USP1: variants seen among roughly 807,000 people sequenced by gnomAD.
USP1 encodes ubiquitin specific peptidase 1, also known as ubiquitin carboxyl-terminal hydrolase 1.
Under a neutral mutation model 72.2 loss-of-function variants are expected in USP1, and 18 were observed. The observed-to-expected ratio is 0.25, with a 90% CI of 0.17 to 0.37. The LOEUF (loss-of-function observed/expected upper bound fraction) is 0.37. Among genes scored for constraint, USP1 ranks in the 10% least tolerant of loss-of-function variants. USP1 has a pLI of 1.00. For missense variants in USP1, 759 were observed against 884.9 expected (o/e 0.86, Z 1.81); for synonymous variants, 354 against 303.7 (o/e 1.17, Z -1.72).
Position 62,451,116 on chromosome 1 carries a change from T to C in USP1, c.*135T>C. ...TGGTCTCTCTAGGTTTTTATATAAATAGTGAAATTTGAATTACTGAAAACC... is the reference window on the plus strand; with the variant it reads ...TGGTCTCTCTAGGTTTTTATATAAACAGTGAAATTTGAATTACTGAAAACC... On this transcript the variant is annotated 3_prime_UTR_variant, in exon 9 of 9. Coordinates refer to ENST00000339950, the MANE Select transcript of USP1 (RefSeq NM_003368.5). 1 of 922,352 alleles carries C rather than the reference T, an allele frequency of 1.1e-6. No individual in the cohort carries two copies. The highest frequency in any genetic ancestry group is 1.5e-6 in the Non-Finnish European group (1 of 667,566). The allele number at this position is 922,352 out of a possible 1,614,324, so 57.1% of individuals were successfully genotyped here.
chr1:62,440,052 TTTCTG>T lies in USP1; in HGVS notation c.170+17_170+21del. ...GCATCTGAAATGTATGTATCTTACA[TTTCTG>T]TACTTTAAAAATTCTACAGTAAAGC... On this transcript the variant is annotated intron_variant, in intron 2 of 8. Coordinates refer to ENST00000339950, the MANE Select transcript of USP1 (RefSeq NM_003368.5). 1.4e-6 allele frequency: 2 copies of T among 1,420,504 alleles called. No homozygotes were observed. The highest frequency in any genetic ancestry group is 1.8e-6 in the Non-Finnish European group (2 of 1,082,338). The allele number at this position is 1,420,504 out of a possible 1,614,324, so 88.0% of individuals were successfully genotyped here. A position where few individuals can be genotyped will look rare whatever the true frequency, so the allele number is the denominator to read the frequency against.
rs377527620 is a variant in USP1, at chr1:62,441,492, C to G, written c.175C>G (p.Gln59Glu). ...TCTCCCTTCTATATTTCATAGTGAT[C>G]AAGTTGTTCCTGCAGCACAGTCTTC... ...ASEYRASEID[Q>E]VVPAAQSSPI... The change falls in exon 3 of 9, where the codon CAA (glutamine) becomes GAA (glutamate). Residue 59 changes from glutamine (Q) to glutamate (E), a missense_variant. Physicochemically the swap from Gln to Glu is conservative, Grantham distance 29. Transcript: ENST00000339950. 1.9e-6 allele frequency: 3 copies of G among 1,603,134 alleles called. No individual in the cohort carries two copies. Among genetic ancestry groups the G allele is most frequent in the Non-Finnish European group, 2.5e-6 (3 of 1,176,768 alleles).
chr1:62,443,830 G>A (rs1453854408), intron 5 of USP1, among the ~76,000 whole-genome samples: 1 of 151,926 alleles, frequency 6.6e-6, no homozygotes, highest in Non-Finnish European at 1.5e-5. Flanking sequence ...ATTGCTTTTT[G>A]GTATTTTCTT....
rs181520907 is a variant in USP1, at chr1:62,443,011, A to T, written c.397-148A>T. 98 of 857,102 alleles carry T rather than the reference A, an allele frequency of 1.1e-4. No homozygotes were observed. In the East Asian group the frequency reaches 2.1e-3, roughly 18 times the overall value. The allele number at this position is 857,102 out of a possible 1,614,324, so 53.1% of individuals were successfully genotyped here. A position where few individuals can be genotyped will look rare whatever the true frequency, so the allele number is the denominator to read the frequency against. Reference sequence around the variant, plus strand: ...AGACCCTGTCTCAAAATAAAAAAATAAAAAATAAGGCTTATTTGTACATCC... The same window carrying T: ...AGACCCTGTCTCAAAATAAAAAAATTAAAAATAAGGCTTATTTGTACATCC... On this transcript the variant is annotated intron_variant, in intron 4 of 8. Coordinates refer to ENST00000339950, the MANE Select transcript of USP1 (RefSeq NM_003368.5).
chr1:62,442,268 C>A lies in USP1; in HGVS notation c.365C>A (p.Ala122Asp). ...LFNIISRKKE[A>D]LKDEANQKDK... ...AATATTATTTCAAGGAAGAAAGAAG[C>A]TCTAAAGGATGAAGCCAATCAAAAA... Residue 122 changes from alanine to aspartate, a missense_variant, in exon 4 of 9, where the codon GCT becomes GAT. Transcript: ENST00000339950. The A allele has an allele frequency of 6.2e-7, 1 of 1,603,616 alleles. No homozygotes were observed. Among genetic ancestry groups the A allele is most frequent in the Non-Finnish European group, 8.5e-7 (1 of 1,173,848 alleles).
chr1:62,448,368 C>G (rs79079587), intron 7 of USP1, 97 bp from the exon 8 acceptor site: 2 of 1,188,586 alleles, frequency 1.7e-6, no homozygotes, highest in Admixed American at 2.5e-5. Context: ...ATGGGTCGGT[C>G]AATTGAAATT....
Position 62,445,191 on chromosome 1 carries a change from T to G in USP1, c.1011T>G (p.Val337=). 1 of 1,611,668 alleles carries G rather than the reference T, an allele frequency of 6.2e-7. No homozygotes were observed. Among genetic ancestry groups the G allele is most frequent in the Non-Finnish European group, 8.5e-7 (1 of 1,179,468 alleles). ...GACCCTCACAAAAGAAATCAAGAGT[T>G]AAAATAAATTGGTTAAAGTCTGCAA... is the stretch of plus-strand genomic sequence containing the variant. The part of the protein sequence containing the change: ...SPRPSQKKSR[V]KINWLKSATK... Residue 337 remains valine, a synonymous_variant, in exon 6 of 9, where the codon GTT becomes GTG. Coordinates refer to ENST00000339950, the MANE Select transcript of USP1 (RefSeq NM_003368.5).
chr1:62,441,969 C>G (rs1645137527), intron 3 of USP1, among the ~76,000 whole-genome samples: 1 of 152,096 alleles, frequency 6.6e-6, no homozygotes, highest in Non-Finnish European at 1.5e-5. Flanking sequence ...TCCTTGTAAC[C>G]TTAAAGTCTT....
chr1:62,447,164 C>T (rs985865146), intron 6 of USP1, among the ~76,000 whole-genome samples, 177 bp from the exon 7 acceptor site: 2 of 152,192 alleles, frequency 1.3e-5, no homozygotes, highest in African/African-American at 4.8e-5. Flanking sequence ...TTTATCTTTA[C>T]AGGGACCTTA....
intron 8 of USP1, among the ~76,000 whole-genome samples, chr1:62,450,004 G>GA (rs1309684671): frequency 6.6e-6 from 1 of 151,660 alleles, no homozygotes; most frequent in Non-Finnish European, 1.5e-5. Context: ...GAAAATAAAG[G>GA]AAAAAATACA....
intron 6 of USP1, among the ~76,000 whole-genome samples, chr1:62,445,736 T>C (rs1337975216): frequency 6.6e-6 from 1 of 152,152 alleles, no homozygotes; most frequent in Non-Finnish European, 1.5e-5. Flanking sequence ...CCCAGTACTT[T>C]GGGAGGCCTA....
At chr1:62,443,013 A>G (rs1344072664) in intron 4 of USP1, 146 bp from the exon 5 acceptor site, 1 of 871,388 alleles carries the variant, frequency 1.1e-6, no homozygotes, top group African/African-American at 1.8e-5. Flanking sequence ...AAAAAAATAA[A>G]AAATAAGGCT....
rs746840692 is a variant in USP1 at position 62,437,195 on chromosome 1, G to C, written c.-275G>C. On this transcript the variant is annotated 5_prime_UTR_variant, in exon 1 of 9. Transcript: ENST00000339950. ...CCGCTCCCGGGATGTAGTTGGTGTT[G>C]GTGCAAGACGGGAGCGAGCGGCGGT... 2.5e-6 allele frequency: 1 copy of C among 398,640 alleles called. No homozygotes were observed. The highest frequency in any genetic ancestry group is 4.4e-5 in the Admixed American group (1 of 22,720). The allele number at this position is 398,640 out of a possible 1,614,324, so 24.7% of individuals were successfully genotyped here.
chr1:62,451,020 C>A lies in USP1; in HGVS notation c.*39C>A. Reference sequence around the variant, plus strand: ...TCCTTGTGTATATATTAAACACACCCATACAAACATTGGTAAAGTTGATTA... The same window carrying A: ...TCCTTGTGTATATATTAAACACACCAATACAAACATTGGTAAAGTTGATTA... On this transcript the variant is annotated 3_prime_UTR_variant, in exon 9 of 9. Transcript: ENST00000339950. 6.7e-7 allele frequency: 1 copy of A among 1,494,938 alleles called. No homozygotes were observed. Among genetic ancestry groups the A allele is most frequent in the South Asian group, 1.4e-5 (1 of 73,176 alleles). The allele number at this position is 1,494,938 out of a possible 1,614,324, so 92.6% of individuals were successfully genotyped here.
In USP1 at chr1:62,443,327, C is replaced by T. The variant is rs1216852792; in HGVS notation, c.557+8C>T. 1 of 1,582,064 alleles carries T rather than the reference C, an allele frequency of 6.3e-7. No individual in the cohort carries two copies. Among genetic ancestry groups the T allele is most frequent in the Non-Finnish European group, 8.5e-7 (1 of 1,170,232 alleles). On this transcript the variant is annotated splice_region_variant and intron_variant, in intron 5 of 8. Coordinates refer to ENST00000339950, the MANE Select transcript of USP1 (RefSeq NM_003368.5). ...ACTGCTTAACACACTGAGGTATAGC[C>T]TATAATATAATTTTAGGGTTTCAAT...
At position 62,443,151 on chromosome 1, in the gene USP1, C is replaced by A; in HGVS notation, c.397-8C>A. ...AAATTATTGGTTTGTGTGTTTCTTT[C>A]TTGACAGGGAAATTGCAAAGAAGAT... On this transcript the variant is annotated splice_region_variant and splice_polypyrimidine_tract_variant and intron_variant, in intron 4 of 8. Coordinates refer to ENST00000339950, the MANE Select transcript of USP1 (RefSeq NM_003368.5). 6.2e-7 allele frequency: 1 copy of A among 1,605,332 alleles called. No individual in the cohort carries two copies. Among genetic ancestry groups the A allele is most frequent in the South Asian group, 1.1e-5 (1 of 89,324 alleles).
intron 1 of USP1, among the ~76,000 whole-genome samples, chr1:62,439,282 T>C (rs1425299499): frequency 6.6e-6 from 1 of 152,214 alleles, no homozygotes; most frequent in Non-Finnish European, 1.5e-5. Context: ...CCTCCCGGAT[T>C]CAAGGGATTC....
At chr1:62,450,208 A>C in intron 8 of USP1, 38 bp from the exon 9 acceptor site, 1 of 1,564,164 alleles carries the variant, frequency 6.4e-7, no homozygotes, top group Non-Finnish European at 8.6e-7. Context: ...AATTTAAAAT[A>C]GAACTGCAGG....
Position 62,451,110 on chromosome 1 carries a change from TATAA to T in USP1, c.*133_*136del. On this transcript the variant is annotated 3_prime_UTR_variant, in exon 9 of 9. Coordinates refer to ENST00000339950, the MANE Select transcript of USP1 (RefSeq NM_003368.5). ...TATTATTGGTCTCTCTAGGTTTTTA[TATAA>T]ATAGTGAAATTTGAATTACTGAAAA... 2 of 956,812 alleles carry T rather than the reference TATAA, an allele frequency of 2.1e-6. No homozygotes were observed. Among genetic ancestry groups the T allele is most frequent in the Non-Finnish European group, 2.9e-6 (2 of 696,406 alleles). The allele number at this position is 956,812 out of a possible 1,614,324, so 59.3% of individuals were successfully genotyped here.
Sources: gnomAD v4.1 joint callset for allele counts (sites outside exome capture counted in the v4.1 genomes callset) on GRCh38, gnomAD v4.1.1 for gene constraint, MANE v1.5 for transcripts, NCBI Gene and HGNC (gene_info 2026-07-23, HGNC 2026-07-21) for gene names.